Variants in KCTD16 observed in about 807,000 individuals in gnomAD.
The protein encoded by KCTD16 is BTB/POZ domain-containing protein KCTD16.
KCTD16 carries 13 observed loss-of-function variants against 33.2 expected under a neutral mutation model. The ratio of observed to expected loss-of-function variants is 0.39; its 90% CI spans 0.25 to 0.62. The LOEUF (loss-of-function observed/expected upper bound fraction) is 0.62, where lower values mean the gene tolerates loss of function less well. KCTD16 is among the 20% of genes least tolerant of loss of function. The probability of loss-of-function intolerance (pLI) is 0.50; values close to 1 mark genes in which losing one functional copy is unlikely to be tolerated. For synonymous variants in KCTD16, 197 were observed against 195.3 expected (o/e 1.01, Z -0.07); for missense variants, 441 against 525.1 (o/e 0.84, Z 1.57).
intron 3 of KCTD16, among the ~76,000 whole-genome samples, chr5:144,463,400 T>C (rs1320843950): frequency 6.6e-6 from 1 of 152,256 alleles, no homozygotes; most frequent in African/African-American, 2.4e-5. Flanking sequence ...AAGCAATCAA[T>C]TGTCTTCTAA....
At chr5:144,289,253 A>G (rs1755830986) in intron 3 of KCTD16, among the ~76,000 whole-genome samples, 1 of 152,230 alleles carries the variant, frequency 6.6e-6, no homozygotes, top group Non-Finnish European at 1.5e-5. Context: ...GAATGTGCCC[A>G]GAATCTGAAG....
chr5:144,453,622 C>T (rs916209090), intron 3 of KCTD16, among the ~76,000 whole-genome samples: 13 of 151,816 alleles, frequency 8.6e-5, no homozygotes, highest in Non-Finnish European at 7.4e-5. Flanking sequence ...TTATTTTACA[C>T]GATAAAAAAT....
intron 3 of KCTD16, among the ~76,000 whole-genome samples, chr5:144,385,006 A>G (rs1752293659): frequency 6.6e-6 from 1 of 152,222 alleles, no homozygotes; most frequent in South Asian, 2.1e-4. Context: ...TGGAAGTCTG[A>G]CATTCAAATA....
intron 3 of KCTD16, among the ~76,000 whole-genome samples, chr5:144,412,209 G>T (rs1280583957): frequency 6.6e-6 from 1 of 152,170 alleles, no homozygotes; most frequent in Non-Finnish European, 1.5e-5. Flanking sequence ...ACATTGAAAG[G>T]ATATCGGCAC....
intron 3 of KCTD16, among the ~76,000 whole-genome samples, chr5:144,341,447 T>C (rs1015328135): frequency 1.3e-5 from 2 of 152,220 alleles, no homozygotes; most frequent in Non-Finnish European, 2.9e-5. Flanking sequence ...GCTTATCCCA[T>C]GGAGCCCTCT....
chr5:144,174,161 A>C (rs1441406222), intron 1 of KCTD16, 146 bp from the exon 2 acceptor site: 3 of 152,192 alleles, frequency 2.0e-5, no homozygotes, highest in Non-Finnish European at 2.9e-5. Flanking sequence ...AATAATGAGT[A>C]ATATCATTTA....
chr5:144,377,487 A>G (rs1463336301), intron 3 of KCTD16, among the ~76,000 whole-genome samples: 3 of 152,190 alleles, frequency 2.0e-5, no homozygotes, highest in Non-Finnish European at 2.9e-5. Flanking sequence ...TTATTACATT[A>G]TACAATTAAA....
chr5:144,277,289 G>A (rs1163016477), intron 3 of KCTD16, among the ~76,000 whole-genome samples: 1 of 152,196 alleles, frequency 6.6e-6, no homozygotes, highest in Non-Finnish European at 1.5e-5. Context: ...TGCTGCTGCT[G>A]ATGATGATGA....
intron 3 of KCTD16, among the ~76,000 whole-genome samples, chr5:144,311,707 T>A (rs1751770567): frequency 6.6e-6 from 1 of 152,104 alleles, no homozygotes; most frequent in African/African-American, 2.4e-5. Flanking sequence ...TAAATACAAC[T>A]ACAAATAAAA....
At chr5:144,285,598 G>A (rs1404027918) in intron 3 of KCTD16, among the ~76,000 whole-genome samples, 1 of 152,180 alleles carries the variant, frequency 6.6e-6, no homozygotes, top group Non-Finnish European at 1.5e-5. Flanking sequence ...CAAATATACT[G>A]TGGGTCTTTC....
At chr5:144,398,456 T>TAA (rs1198311660) in intron 3 of KCTD16, among the ~76,000 whole-genome samples, 2 of 152,194 alleles carry the variant, frequency 1.3e-5, no homozygotes, top group African/African-American at 4.8e-5. Context: ...CTTATGCTAA[T>TAA]TTACATAGTT....
chr5:144,429,901 G>GA (rs200072810), intron 3 of KCTD16, among the ~76,000 whole-genome samples: 3 of 151,462 alleles, frequency 2.0e-5, no homozygotes, highest in East Asian at 1.9e-4. Context: ...AGCAAAAGGT[G>GA]AAAAAAAATT....
At chr5:144,298,591 C>T (rs371609499) in intron 3 of KCTD16, among the ~76,000 whole-genome samples, 18 of 152,064 alleles carry the variant, frequency 1.2e-4, no homozygotes, top group African/African-American at 4.3e-4. Context: ...TCTCAAGATG[C>T]CTTCAGAGAC....
intron 2 of KCTD16, among the ~76,000 whole-genome samples, chr5:144,182,641 C>A (rs1299552016): frequency 6.6e-6 from 1 of 151,746 alleles, no homozygotes; most frequent in Non-Finnish European, 1.5e-5. Flanking sequence ...GTGCTTTTAC[C>A]ACACACACAC....
intron 2 of KCTD16, among the ~76,000 whole-genome samples, chr5:144,190,377 G>A (rs1034520030): frequency 6.6e-6 from 1 of 152,048 alleles, no homozygotes; most frequent in Non-Finnish European, 1.5e-5. Context: ...CTGAACCTTG[G>A]CTTCTCTCTC....
chr5:144,241,125 C>G (rs1754391522), intron 3 of KCTD16, among the ~76,000 whole-genome samples: 1 of 152,086 alleles, frequency 6.6e-6, no homozygotes, highest in South Asian at 2.1e-4. Context: ...CCTCTTAACT[C>G]TTAAACTCAC....
At chr5:144,400,723 C>T (rs746096282) in intron 3 of KCTD16, among the ~76,000 whole-genome samples, 2 of 151,924 alleles carry the variant, frequency 1.3e-5, no homozygotes, top group Non-Finnish European at 2.9e-5. Context: ...AAATAAATAT[C>T]AAGAAAATAT....
At chr5:144,268,214 GA>G (rs201959284) in intron 3 of KCTD16, among the ~76,000 whole-genome samples, 33 of 150,802 alleles carry the variant, frequency 2.2e-4, no homozygotes, top group African/African-American at 3.9e-4. Context: ...GCCAAAGTGG[GA>G]AAAAAAAATA....
chr5:144,401,232 AC>A (rs1752696865), intron 3 of KCTD16, among the ~76,000 whole-genome samples: 1 of 152,220 alleles, frequency 6.6e-6, no homozygotes, highest in African/African-American at 2.4e-5. Context: ...TAATTAATTA[AC>A]TAAATTACAG....
Sources: gnomAD v4.1 joint callset for allele counts (sites outside exome capture counted in the v4.1 genomes callset) on GRCh38, gnomAD v4.1.1 for gene constraint, MANE v1.5 for transcripts, NCBI Gene and HGNC (gene_info 2026-07-23, HGNC 2026-07-21) for gene names.